Variants in CNTNAP2 observed in about 807,000 individuals in gnomAD.
CNTNAP2 encodes contactin associated protein 2, also known as contactin-associated protein-like 2.
CNTNAP2 carries 98 observed loss-of-function variants against 155.2 expected under a neutral mutation model. That is an observed-to-expected ratio of 0.63 (90% CI 0.54 to 0.75). The LOEUF is 0.75. Among genes scored for constraint, CNTNAP2 ranks in the 30% least tolerant of loss-of-function variants. The pLI is 0.00. For missense variants in CNTNAP2, 1,727 were observed against 1,688.1 expected, an observed-to-expected ratio of 1.02 and a Z score of -0.40; for synonymous variants, 651 against 631.2, an observed-to-expected ratio of 1.03 and a Z score of -0.47.
chr7:146,498,944 G>A (rs75456075), intron 1 of CNTNAP2, among the ~76,000 whole-genome samples: 13,102 of 152,144 alleles, frequency 0.086, 1,516 homozygotes, highest in African/African-American at 0.26. Context: ...ATGATCTATG[G>A]TGTCACATTT....
At chr7:147,144,374 A>G (rs1801658502) in intron 8 of CNTNAP2, among the ~76,000 whole-genome samples, 1 of 152,168 alleles carries the variant, frequency 6.6e-6, no homozygotes, top group Admixed American at 6.5e-5. Flanking sequence ...ACGTAAGACC[A>G]TACAGCATAC....
chr7:146,534,541 G>T (rs1002149867), intron 1 of CNTNAP2, among the ~76,000 whole-genome samples: 2 of 152,094 alleles, frequency 1.3e-5, no homozygotes, highest in African/African-American at 2.4e-5. Flanking sequence ...CCTATGCGTA[G>T]AAAAGTTTTG....
At chr7:146,910,665 C>T (rs373340534) in intron 3 of CNTNAP2, among the ~76,000 whole-genome samples, 13 of 149,596 alleles carry the variant, frequency 8.7e-5, no homozygotes, top group African/African-American at 2.0e-4. Context: ...CAAGATGGAT[C>T]AAAGATTTAA....
At position 146,935,046 on chromosome 7, in the gene CNTNAP2, G is replaced by T. The variant is rs542613814; in HGVS notation, c.402+95142G>T. The stretch of plus-strand genomic sequence containing the variant: ...ATTTAAAATGTGTTCATGACCTTGT[G>T]TTCATAATTTCACAATTGAGAGGCG... On this transcript the variant is annotated intron_variant, in intron 3 of 23. Coordinates refer to ENST00000361727, the MANE Select transcript of CNTNAP2 (RefSeq NM_014141.6). Among the ~76,000 whole-genome samples, 3 of 152,306 alleles carry T rather than the reference G, an allele frequency of 2.0e-5. No individual in the cohort carries two copies. In the South Asian group the frequency reaches 6.2e-4, roughly 32 times the overall value.
intron 3 of CNTNAP2, among the ~76,000 whole-genome samples, chr7:146,880,073 C>T (rs998534370): frequency 6.6e-6 from 1 of 151,982 alleles, no homozygotes; most frequent in Non-Finnish European, 1.5e-5. Context: ...CCACCTGGTC[C>T]CTCCCACAAC....
chr7:148,153,770 C>T (rs748239602), intron 17 of CNTNAP2, among the ~76,000 whole-genome samples: 28 of 152,334 alleles, frequency 1.8e-4, no homozygotes, highest in Non-Finnish European at 3.8e-4. Context: ...CTGCTGGGCC[C>T]CCAGCCTGGG....
At position 146,815,937 on chromosome 7, in the gene CNTNAP2, G is replaced by A. The variant is rs535317298; in HGVS notation, c.209-23774G>A. Among the ~76,000 whole-genome samples, 19 of 152,226 alleles carry A rather than the reference G, an allele frequency of 1.2e-4. 1 individual carries two copies. The East Asian group carries it at 1.4e-3, about 11-fold the overall frequency. On this transcript the variant is annotated intron_variant, in intron 2 of 23. Coordinates refer to ENST00000361727, the MANE Select transcript of CNTNAP2 (RefSeq NM_014141.6). ...CCCCAACCCCACAACGGGCCCTGAT[G>A]TGCATGATGATCCCCGCCCTGTGTC...
At chr7:147,388,440 T>C (rs1720150831) in intron 9 of CNTNAP2, among the ~76,000 whole-genome samples, 1 of 152,216 alleles carries the variant, frequency 6.6e-6, no homozygotes, top group African/African-American at 2.4e-5. Context: ...CTTCAGTGGA[T>C]GATAGGAACC....
chr7:148,035,763 A>C (rs552089518), intron 15 of CNTNAP2, among the ~76,000 whole-genome samples: 49 of 152,312 alleles, frequency 3.2e-4, no homozygotes, highest in African/African-American at 1.1e-3. Context: ...AGCTACTAGC[A>C]TGTAGCCCCA....
chr7:147,175,309 C>A (rs1802318492), intron 8 of CNTNAP2, among the ~76,000 whole-genome samples: 1 of 151,378 alleles, frequency 6.6e-6, no homozygotes, highest in South Asian at 2.1e-4. Context: ...AATTATTTTT[C>A]ATTTAAACCA....
chr7:147,346,154 T>A (rs200874102), intron 9 of CNTNAP2, among the ~76,000 whole-genome samples: 4 of 7,616 alleles, frequency 5.3e-4, no homozygotes, highest in Non-Finnish European at 4.1e-4. Flanking sequence ...TTTTATTTTA[T>A]TTTTTTTTTT....
intron 3 of CNTNAP2, among the ~76,000 whole-genome samples, chr7:147,003,373 A>C (rs1361480502): frequency 6.6e-6 from 1 of 152,022 alleles, no homozygotes; most frequent in Non-Finnish European, 1.5e-5. Flanking sequence ...AAGGGGCTAT[A>C]AACAAAAAGC....
At chr7:147,110,570 A>C (rs1006759342) in intron 5 of CNTNAP2, among the ~76,000 whole-genome samples, 5 of 151,880 alleles carry the variant, frequency 3.3e-5, no homozygotes, top group African/African-American at 9.7e-5. Context: ...GTTCCTCTCT[A>C]TGTGTCCATA....
At chr7:147,835,295 A>T (rs1019953890) in intron 13 of CNTNAP2, among the ~76,000 whole-genome samples, 5 of 152,226 alleles carry the variant, frequency 3.3e-5, no homozygotes, top group African/African-American at 1.2e-4. Flanking sequence ...GAATCGAGTG[A>T]TGAAGTTGTA....
intron 1 of CNTNAP2, among the ~76,000 whole-genome samples, chr7:146,128,213 T>G (rs1350280498): frequency 6.6e-6 from 1 of 152,220 alleles, no homozygotes; most frequent in Admixed American, 6.5e-5. Flanking sequence ...ATGGTTGTAT[T>G]AAAGGAACTA....
In CNTNAP2 at chr7:147,864,737, A is replaced by G. The variant is rs182529428; in HGVS notation, c.2099-38828A>G. On this transcript the variant is annotated intron_variant, in intron 13 of 23. Transcript: ENST00000361727. ...TGATTTGGCTCTCTGTTTGTCTGTTATTGGTGTATAGGAATGCTTGATTTT... is the reference window on the plus strand; with the variant it reads ...TGATTTGGCTCTCTGTTTGTCTGTTGTTGGTGTATAGGAATGCTTGATTTT... Among the ~76,000 whole-genome samples the G allele has an allele frequency of 1.8e-3, 275 of 152,098 alleles. 1 individual carries two copies. Among genetic ancestry groups the G allele is most frequent in the Non-Finnish European group, 3.0e-3 (202 of 67,994 alleles).
chr7:147,274,319 GT>G (rs1259022260), intron 8 of CNTNAP2, among the ~76,000 whole-genome samples: 1 of 152,002 alleles, frequency 6.6e-6, no homozygotes, highest in Non-Finnish European at 1.5e-5. Flanking sequence ...AATATCTGAT[GT>G]TTTTGACTTT....
chr7:147,894,371 G>C (rs530782010), intron 13 of CNTNAP2, among the ~76,000 whole-genome samples: 1 of 152,078 alleles, frequency 6.6e-6, no homozygotes, highest in Non-Finnish European at 1.5e-5. Context: ...AGCATGAGTC[G>C]CTTAGAAAAA....
Position 148,144,497 on chromosome 7 carries a change from G to A in CNTNAP2, c.2555-2994G>A, listed in dbSNP as rs569434766. ...AAGAAGTCCTTTGTCTCTGACCCAG[G>A]AGTTTCATGTCTTCTGCCAGCATCA... On this transcript the variant is annotated intron_variant, in intron 16 of 23. Transcript: ENST00000361727. Among the ~76,000 whole-genome samples the A allele has an allele frequency of 2.1e-4, 32 of 152,306 alleles. No homozygotes were observed. The South Asian group carries it at 6.6e-3, about 32-fold the overall frequency.
Sources: allele counts gnomAD v4.1 joint callset (sites outside exome capture counted in the v4.1 genomes callset), GRCh38; gene constraint gnomAD v4.1.1; transcripts MANE v1.5; gene names NCBI Gene and HGNC (gene_info 2026-07-23, HGNC 2026-07-21).